The following ACSBG2 variants were observed in gnomAD, a reference collection of about 807,000 sequenced individuals.
ACSBG2 encodes the protein acyl-CoA synthetase bubblegum family member 2.
Under a neutral mutation model 74.7 loss-of-function variants are expected in ACSBG2, and 62 were observed. That is an observed-to-expected ratio of 0.83 (90% CI 0.68 to 1.03). The LOEUF is 1.03. ACSBG2 is among the 50% of genes least tolerant of loss of function. ACSBG2 has a pLI of 0.00. For synonymous variants in ACSBG2, 309 were observed against 294.1 expected (o/e 1.05, Z -0.52); for missense variants, 730 against 817.6 (o/e 0.89, Z 1.31).
intron 5 of ACSBG2, among the ~76,000 whole-genome samples, chr19:6,160,303 T>C (rs2089562159): frequency 6.9e-6 from 1 of 145,924 alleles, no homozygotes; most frequent in African/African-American, 2.6e-5. Flanking sequence ...GGCAGGAGAA[T>C]GGCATGAACC....
At chr19:6,172,054 T>C (rs2089980144) in intron 7 of ACSBG2, among the ~76,000 whole-genome samples, 1 of 152,156 alleles carries the variant, frequency 6.6e-6, no homozygotes, top group Admixed American at 6.5e-5. Flanking sequence ...AATTTGGTTT[T>C]TTCTTAATAT....
At chr19:6,143,287 C>T (rs1332054735) in intron 2 of ACSBG2, among the ~76,000 whole-genome samples, 4 of 151,816 alleles carry the variant, frequency 2.6e-5, no homozygotes, top group Admixed American at 2.6e-4. Context: ...ATTCTGGAGG[C>T]CAGATTACTG....
At chr19:6,155,852 A>G (rs774822116) in intron 4 of ACSBG2, among the ~76,000 whole-genome samples, 1 of 151,350 alleles carries the variant, frequency 6.6e-6, no homozygotes, top group Non-Finnish European at 1.5e-5. Context: ...TATTCTTAAA[A>G]CTCGAATTTC....
chr19:6,186,850 G>A (rs762293168), intron 11 of ACSBG2, among the ~76,000 whole-genome samples: 8 of 151,992 alleles, frequency 5.3e-5, no homozygotes, highest in African/African-American at 2.4e-5. Context: ...GACTACAGGC[G>A]TGTGCCACCA....
intron 13 of ACSBG2, chr19:6,190,105 TGCTTGAGACACCCAGAGGG>T (rs1444297750): frequency 1.2e-5 from 2 of 165,024 alleles, no homozygotes. Context: ...CTTGTGGGGT[TGCTTGAGACACCCAGAGGG>T]GCTTCAATGC....
intron 10 of ACSBG2, among the ~76,000 whole-genome samples, chr19:6,184,695 G>A (rs1304584197): frequency 1.3e-5 from 2 of 151,262 alleles, no homozygotes; most frequent in Non-Finnish European, 2.9e-5. Context: ...CCTCTAAAGA[G>A]ATTGTAGTTG....
intron 3 of ACSBG2, among the ~76,000 whole-genome samples, chr19:6,150,843 G>A (rs371345251): frequency 6.6e-5 from 10 of 152,204 alleles, no homozygotes; most frequent in East Asian, 5.8e-4. Flanking sequence ...AACGGGCTGC[G>A]TGTGGTGGAT....
intron 1 of ACSBG2, among the ~76,000 whole-genome samples, chr19:6,139,109 A>G (rs2088718933): frequency 6.8e-6 from 1 of 146,262 alleles, no homozygotes; most frequent in Non-Finnish European, 1.5e-5. Flanking sequence ...TTTTTTTGAG[A>G]TACAGTTTTG....
Position 6,165,917 on chromosome 19 carries a change from C to A in ACSBG2, c.640C>A (p.Gln214Lys), listed in dbSNP as rs755228323. The A allele has an allele frequency of 6.2e-7, 1 of 1,614,154 alleles. No homozygotes were observed. Among genetic ancestry groups the A allele is most frequent in the African/African-American group, 1.3e-5 (1 of 75,058 alleles). The change falls in exon 7 of 15, where the codon CAG becomes AAG. Residue 214 changes from glutamine (Q) to lysine (K), a missense_variant. Coordinates refer to ENST00000588485, the MANE Select transcript of ACSBG2 (RefSeq NM_030924.5). ...AAGTATCCCTGACACCCAACTGGAG[C>A]AGGTCATCGAGAGCCAGAAGGCGAA... Reference protein sequence around the residue: ...GRSIPDTQLEQVIESQKANQC... With the variant: ...GRSIPDTQLEKVIESQKANQC...
At chr19:6,192,071 C>CAAAAAAAAAAAAAAAAAAAAAAAAAAA (rs397859531) in intron 14 of ACSBG2, 4 of 57,476 alleles carry the variant, frequency 7.0e-5, no homozygotes, top group Non-Finnish European at 8.9e-5. Context: ...AGCACAGCAC[C>CAAAAAAAAAAAAAAAAAAAAAAAAAAA]AAAAAAAAAA....
In ACSBG2 at chr19:6,165,828, C is replaced by G. The variant is rs776656962; in HGVS notation, c.589-38C>G. 2.0e-5 allele frequency: 32 copies of G among 1,611,286 alleles called. No homozygotes were observed. In the South Asian group the frequency reaches 3.1e-4, roughly 16 times the overall value. On this transcript the variant is annotated intron_variant, in intron 6 of 14. Transcript: ENST00000588485. ...TCTGGCTGGGTGAGAGGACTCCCGA[C>G]TGCCTTCTCATCCTCCGCTTGTCTT...
intron 7 of ACSBG2, chr19:6,176,369 G>C (rs2145201290): frequency 1.3e-6 from 2 of 1,513,494 alleles, no homozygotes; most frequent in South Asian, 2.6e-5. Flanking sequence ...GGCTGAGTGG[G>C]AGGTAGCTGA....
rs768016752 is a variant in ACSBG2, at chr19:6,190,576, C to T, written c.1928-8C>T. ...CCACAACTCAATTGATTTCTCCTTT[C>T]TCGATAGGTCCAATGATGAAACTTA... is the stretch of plus-strand genomic sequence containing the variant. On this transcript the variant is annotated splice_polypyrimidine_tract_variant and splice_region_variant and intron_variant, in intron 13 of 14. Coordinates refer to ENST00000588485, the MANE Select transcript of ACSBG2 (RefSeq NM_030924.5). The T allele has an allele frequency of 9.3e-6, 15 of 1,612,798 alleles. No individual in the cohort carries two copies. In the East Asian group the frequency reaches 3.1e-4, roughly 34 times the overall value.
intron 7 of ACSBG2, among the ~76,000 whole-genome samples, chr19:6,169,813 C>T (rs1054489652): frequency 1.3e-5 from 2 of 152,018 alleles, no homozygotes; most frequent in African/African-American, 4.8e-5. Flanking sequence ...TTAAATGTGT[C>T]TGTGGGTATT....
intron 11 of ACSBG2, 105 bp downstream of exon 11, chr19:6,185,758 C>A: frequency 8.6e-7 from 1 of 1,163,870 alleles, no homozygotes; most frequent in Non-Finnish European, 1.2e-6. Flanking sequence ...TCCTCACCTT[C>A]CAAGAGGAGC....
At chr19:6,162,756 T>TA (rs1226319415) in intron 6 of ACSBG2, among the ~76,000 whole-genome samples, 2 of 151,944 alleles carry the variant, frequency 1.3e-5, no homozygotes, top group Admixed American at 6.6e-5. Context: ...CGACGCCCTG[T>TA]AGGATGTTGA....
intron 4 of ACSBG2, among the ~76,000 whole-genome samples, chr19:6,153,268 A>G (rs1175002641): frequency 6.6e-6 from 1 of 152,020 alleles, no homozygotes; most frequent in Non-Finnish European, 1.5e-5. Context: ...CAAAACAAAA[A>G]AATTTAAAAT....
intron 8 of ACSBG2, among the ~76,000 whole-genome samples, chr19:6,181,964 T>C (rs2090273446): frequency 2.0e-5 from 3 of 152,166 alleles, no homozygotes; most frequent in Admixed American, 2.0e-4. Context: ...ACTAGCTTGA[T>C]AGCAGGATGG....
At position 6,190,720 on chromosome 19, in the gene ACSBG2, G is replaced by A. The variant is rs925923242; in HGVS notation, c.*35+28G>A. 8.0e-6 allele frequency: 12 copies of A among 1,504,004 alleles called. No homozygotes were observed. The African/African-American group carries it at 1.7e-4, about 21-fold the overall frequency. The allele number at this position is 1,504,004 out of a possible 1,614,324, so 93.2% of individuals were successfully genotyped here. A position where few individuals can be genotyped will look rare whatever the true frequency, so the allele number is the denominator to read the frequency against. On this transcript the variant is annotated intron_variant, in intron 14 of 14. Transcript: ENST00000588485. Reference sequence around the variant, plus strand: ...GAGATTCAGTTGCTTGGCTTTGCTGGGCTATGCATTCAGAGTCCAAGAGAG... The same window carrying A: ...GAGATTCAGTTGCTTGGCTTTGCTGAGCTATGCATTCAGAGTCCAAGAGAG...
Sources: allele counts gnomAD v4.1 joint callset (sites outside exome capture counted in the v4.1 genomes callset), GRCh38; gene constraint gnomAD v4.1.1; transcripts MANE v1.5; gene names NCBI Gene and HGNC (gene_info 2026-07-23, HGNC 2026-07-21).